CCNB2: variants seen among roughly 807,000 people sequenced by gnomAD.
CCNB2 encodes the protein cyclin B2, also known as G2/mitotic-specific cyclin-B2.
In CCNB2, 39 loss-of-function variants were observed where a neutral mutation model predicts 51.1. The observed-to-expected ratio is 0.76, with a 90% CI of 0.59 to 1.00. The LOEUF (loss-of-function observed/expected upper bound fraction) is 1.00, where lower values mean the gene tolerates loss of function less well. Ranked by LOEUF, CCNB2 falls within the 50% of genes least tolerant of loss-of-function variation. The probability of loss-of-function intolerance (pLI) is 0.00; values close to 1 mark genes in which losing one functional copy is unlikely to be tolerated. For missense variants in CCNB2, 472 were observed against 470.3 expected (o/e 1.00, Z -0.03); for synonymous variants, 174 against 165.5 (o/e 1.05, Z -0.40).
chr15:59,112,281 T>C (rs2079260624), intron 3 of CCNB2, among the ~76,000 whole-genome samples: 1 of 152,036 alleles, frequency 6.6e-6, no homozygotes, highest in African/African-American at 2.4e-5. Context: ...TGTTTTGTTA[T>C]TGTTGTTATT....
At chr15:59,119,237 T>C (rs2079291976) in intron 7 of CCNB2, among the ~76,000 whole-genome samples, 1 of 152,088 alleles carries the variant, frequency 6.6e-6, no homozygotes, top group African/African-American at 2.4e-5. Flanking sequence ...AGGAAAGAAT[T>C]AATTTAAGTA....
At chr15:59,124,473 A>G in intron 8 of CCNB2, 1 of 402,746 alleles carries the variant, frequency 2.5e-6, no homozygotes, top group Non-Finnish European at 4.5e-6. Context: ...TGTCGTAAAC[A>G]CAGCTCCCCC....
At chr15:59,115,567 A>G (rs1424560812) in intron 5 of CCNB2, 2 of 152,194 alleles carry the variant, frequency 1.3e-5, no homozygotes, top group African/African-American at 4.8e-5. Flanking sequence ...TTATTTATTT[A>G]AAGTCAACAT....
chr15:59,106,590 T>A (rs1433261643), intron 1 of CCNB2, among the ~76,000 whole-genome samples: 1 of 152,210 alleles, frequency 6.6e-6, no homozygotes, highest in African/African-American at 2.4e-5. Flanking sequence ...GCAAGTTTTA[T>A]TTCCAAGCAC....
In CCNB2 at chr15:59,124,914, C is replaced by T. The variant is rs777444620; in HGVS notation, c.*37C>T. On this transcript the variant is annotated 3_prime_UTR_variant, in exon 9 of 9. Coordinates refer to ENST00000288207, the MANE Select transcript of CCNB2 (RefSeq NM_004701.4). ...CCCTGGGGATGTGTGCTTCATTGTG[C>T]CCTTTTTCTTATTGGTTTAGAACTC... is the stretch of plus-strand genomic sequence containing the variant. The T allele has an allele frequency of 2.3e-6, 3 of 1,277,070 alleles. No homozygotes were observed. The highest frequency in any genetic ancestry group is 2.5e-5 in the Admixed American group (1 of 40,588). 79.1% of individuals were successfully genotyped at this position (1,277,070 alleles called of 1,614,324 possible). A position where few individuals can be genotyped will look rare whatever the true frequency, so the allele number is the denominator to read the frequency against.
At chr15:59,111,909 GTGGCATAATCA>G in intron 3 of CCNB2, among the ~76,000 whole-genome samples, 1 of 146,082 alleles carries the variant, frequency 6.8e-6, no homozygotes, top group Admixed American at 7.0e-5. Flanking sequence ...CTGGAGTACA[GTGGCATAATCA>G]TGGGTCACTG....
In CCNB2 at chr15:59,125,006, ATAT is replaced by A; in HGVS notation, c.*131_*133del. 1 of 513,254 alleles carries A rather than the reference ATAT, an allele frequency of 1.9e-6. No individual in the cohort carries two copies. The highest frequency in any genetic ancestry group is 3.4e-6 in the Non-Finnish European group (1 of 291,762). 31.8% of individuals were successfully genotyped at this position (513,254 alleles called of 1,614,324 possible). A position where few individuals can be genotyped will look rare whatever the true frequency, so the allele number is the denominator to read the frequency against. On this transcript the variant is annotated 3_prime_UTR_variant, in exon 9 of 9. Transcript: ENST00000288207. The stretch of plus-strand genomic sequence containing the variant: ...CTTCTCAGACCAGTTTTCTAAACAT[ATAT>A]TGAGGAAAAATAAAGCGATTGGTTT...
intron 3 of CCNB2, among the ~76,000 whole-genome samples, chr15:59,109,993 A>C (rs976791418): frequency 1.3e-5 from 2 of 152,250 alleles, no homozygotes; most frequent in Non-Finnish European, 2.9e-5. Context: ...TCAAAAAACA[A>C]CAACAACAAA....
intron 7 of CCNB2, among the ~76,000 whole-genome samples, chr15:59,118,264 A>G (rs1035649463): frequency 6.6e-5 from 10 of 152,230 alleles, no homozygotes; most frequent in African/African-American, 2.4e-4. Context: ...ATGGAGCTGG[A>G]TGGCTGCAAT....
chr15:59,122,914 G>C (rs1426599821), intron 7 of CCNB2, among the ~76,000 whole-genome samples: 1 of 152,196 alleles, frequency 6.6e-6, no homozygotes, highest in African/African-American at 2.4e-5. Context: ...CTCTTTGGGA[G>C]GCTAGGTCAC....
Position 59,114,978 on chromosome 15 carries a change from A to G in CCNB2, c.597+102A>G, listed in dbSNP as rs2079273328. The G allele has an allele frequency of 4.8e-6, 6 of 1,249,136 alleles. No individual in the cohort carries two copies. The South Asian group carries it at 6.4e-5, about 13-fold the overall frequency. The allele number at this position is 1,249,136 out of a possible 1,614,324, so 77.4% of individuals were successfully genotyped here. A position where few individuals can be genotyped will look rare whatever the true frequency, so the allele number is the denominator to read the frequency against. Reference sequence around the variant, plus strand: ...GTGGGTACTTCTGAAAAAAAGACCAAAAATCAAATTGTGAGAAGCCAAAGA... The same window carrying G: ...GTGGGTACTTCTGAAAAAAAGACCAGAAATCAAATTGTGAGAAGCCAAAGA... On this transcript the variant is annotated intron_variant, in intron 5 of 8. Coordinates refer to ENST00000288207, the MANE Select transcript of CCNB2 (RefSeq NM_004701.4).
At chr15:59,123,172 T>G (rs1365987009) in intron 7 of CCNB2, among the ~76,000 whole-genome samples, 3 of 152,234 alleles carry the variant, frequency 2.0e-5, no homozygotes, top group African/African-American at 7.2e-5. Flanking sequence ...TGGCCAGCAC[T>G]GTAAAGGGGC....
chr15:59,123,687 G>GTT, intron 8 of CCNB2, 60 bp downstream of exon 8: 1 of 823,252 alleles, frequency 1.2e-6, no homozygotes, highest in Non-Finnish European at 2.0e-6. Flanking sequence ...TTGTGTGTAT[G>GTT]TTGGGCGGGG....
chr15:59,114,960 C>T lies in CCNB2; in HGVS notation c.597+84C>T, dbSNP rs549614932. 364 of 1,377,910 alleles carry T rather than the reference C, an allele frequency of 2.6e-4. 3 individuals carry two copies. In the South Asian group the frequency reaches 5.2e-3, roughly 20 times the overall value. The allele number at this position is 1,377,910 out of a possible 1,614,324, so 85.4% of individuals were successfully genotyped here. ...GGGGGATAGAAAACTAAAGTGGGTACTTCTGAAAAAAAGACCAAAAATCAA... is the reference window on the plus strand; with the variant it reads ...GGGGGATAGAAAACTAAAGTGGGTATTTCTGAAAAAAAGACCAAAAATCAA... On this transcript the variant is annotated intron_variant, in intron 5 of 8. Coordinates refer to ENST00000288207, the MANE Select transcript of CCNB2 (RefSeq NM_004701.4).
rs1252279659 is a variant in CCNB2 at position 59,124,987 on chromosome 15, A to G, written c.*110A>G. ...GGTCTATCTCATGAAACCTCTTCTC[A>G]GACCAGTTTTCTAAACATATATTGA... On this transcript the variant is annotated 3_prime_UTR_variant, in exon 9 of 9. Coordinates refer to ENST00000288207, the MANE Select transcript of CCNB2 (RefSeq NM_004701.4). 1.6e-5 allele frequency: 9 copies of G among 576,372 alleles called. No individual in the cohort carries two copies. Among genetic ancestry groups the G allele is most frequent in the Non-Finnish European group, 2.1e-5 (7 of 339,740 alleles). The allele number at this position is 576,372 out of a possible 1,614,324, so 35.7% of individuals were successfully genotyped here. A position where few individuals can be genotyped will look rare whatever the true frequency, so the allele number is the denominator to read the frequency against.
At position 59,116,875 on chromosome 15, in the gene CCNB2, G is replaced by A. The variant is rs1269924233; in HGVS notation, c.783G>A (p.Leu261=). ...TTTTGAAAGAATTGAAATTTGAGTTGGGTCGACCCTTGCCACTACACTTCT... is the reference window on the plus strand; with the variant it reads ...TTTTGAAAGAATTGAAATTTGAGTTAGGTCGACCCTTGCCACTACACTTCT... ...TLILKELKFE[L]GRPLPLHFLR... is the part of the protein sequence containing the mutation. The change falls in exon 6 of 9, where the codon TTG becomes TTA. Residue 261 remains leucine (L), a synonymous_variant. Coordinates refer to ENST00000288207, the MANE Select transcript of CCNB2 (RefSeq NM_004701.4). The A allele has an allele frequency of 6.2e-7, 1 of 1,614,058 alleles. No individual in the cohort carries two copies. Among genetic ancestry groups the A allele is most frequent in the African/African-American group, 1.3e-5 (1 of 74,902 alleles).
intron 3 of CCNB2, among the ~76,000 whole-genome samples, chr15:59,113,465 A>T (rs1398799676): frequency 6.6e-6 from 1 of 152,214 alleles, no homozygotes. Flanking sequence ...AAGCTTTTAG[A>T]GCTTACATTC....
chr15:59,124,697 T>G, intron 8 of CCNB2, 70 bp from the exon 9 acceptor site: 1 of 1,035,864 alleles, frequency 9.7e-7, no homozygotes, highest in Non-Finnish European at 1.5e-6. Context: ...TTGATAATTG[T>G]GAGTTAGACT....
At chr15:59,106,148 T>G (rs766051094) in intron 1 of CCNB2, among the ~76,000 whole-genome samples, 29 of 152,222 alleles carry the variant, frequency 1.9e-4, no homozygotes, top group Admixed American at 2.6e-4. Context: ...CCTATCCAGA[T>G]GAATTTAAAT....
Sources: gnomAD v4.1 joint callset for allele counts (sites outside exome capture counted in the v4.1 genomes callset) on GRCh38, gnomAD v4.1.1 for gene constraint, MANE v1.5 for transcripts, NCBI Gene and HGNC (gene_info 2026-07-23, HGNC 2026-07-21) for gene names.